Variants in GLI2 observed in about 807,000 individuals in gnomAD.
GLI2 encodes transcription activator GLI2.
Under a neutral mutation model 78.9 loss-of-function variants are expected in GLI2, and 22 were observed. The ratio of observed to expected loss-of-function variants is 0.28; its 90% CI spans 0.20 to 0.40. GLI2 has a LOEUF of 0.40. Ranked by LOEUF, GLI2 falls within the 10% of genes least tolerant of loss-of-function variation. GLI2 has a pLI of 1.00. For synonymous variants in GLI2, 974 were observed against 963.7 expected (o/e 1.01, Z -0.20); for missense variants, 2,097 against 2,213.2 (o/e 0.95, Z 1.05).
chr2:120,970,615 G>A lies in GLI2; in HGVS notation c.1059+9G>A, dbSNP rs768096911. ...TGAGTGACACCAACCAGGTAGGTGG[G>A]TGCAGGGGCCAGGATGGCCACTGGG... On this transcript the variant is annotated intron_variant, in intron 7 of 13. Transcript: ENST00000361492. The A allele has an allele frequency of 2.5e-6, 4 of 1,610,838 alleles. No homozygotes were observed. The South Asian group carries it at 3.3e-5, about 13-fold the overall frequency.
chr2:120,937,012 G>T (rs752099426), intron 3 of GLI2, among the ~76,000 whole-genome samples: 1 of 152,158 alleles, frequency 6.6e-6, no homozygotes, highest in Non-Finnish European at 1.5e-5. Context: ...CAAAAAGTAC[G>T]CTGGACATGT....
At chr2:120,825,257 T>A (rs1419826173) in intron 2 of GLI2, among the ~76,000 whole-genome samples, 1 of 152,246 alleles carries the variant, frequency 6.6e-6, no homozygotes. Flanking sequence ...GTTTTACAAA[T>A]ACATGATAAA....
intron 2 of GLI2, among the ~76,000 whole-genome samples, chr2:120,915,109 G>T (rs1679027725): frequency 6.6e-6 from 1 of 152,226 alleles, no homozygotes; most frequent in African/African-American, 2.4e-5. Flanking sequence ...CCCTCACCAG[G>T]AGACCAGTCT....
intron 1 of GLI2, among the ~76,000 whole-genome samples, chr2:120,796,063 A>G (rs993458068): frequency 5.3e-5 from 8 of 152,148 alleles, no homozygotes; most frequent in African/African-American, 1.9e-4. Context: ...ACAAACAAAC[A>G]AACAAACAAA....
intron 2 of GLI2, among the ~76,000 whole-genome samples, chr2:120,845,924 A>G (rs955283418): frequency 6.6e-6 from 1 of 152,098 alleles, no homozygotes; most frequent in African/African-American, 2.4e-5. Flanking sequence ...ACCCTTTCCA[A>G]TTTACAGATG....
chr2:120,765,845 C>T (rs1336421518), intron 1 of GLI2, among the ~76,000 whole-genome samples: 2 of 152,352 alleles, frequency 1.3e-5, no homozygotes, highest in Admixed American at 6.5e-5. Flanking sequence ...GCCTGATTTC[C>T]TTTTGGCACG....
intron 2 of GLI2, among the ~76,000 whole-genome samples, chr2:120,823,041 G>C (rs1304133429): frequency 6.8e-6 from 1 of 147,806 alleles, no homozygotes; most frequent in East Asian, 2.0e-4. Context: ...AGAGGTGGAT[G>C]AAGGACATCC....
chr2:120,991,122 T>TCGGG lies in GLI2; in HGVS notation c.*447_*448insCGGG. 1 of 162,938 alleles carries TCGGG rather than the reference T, an allele frequency of 6.1e-6. No individual in the cohort carries two copies. 10.1% of individuals were successfully genotyped at this position (162,938 alleles called of 1,614,324 possible). A position where few individuals can be genotyped will look rare whatever the true frequency, so the allele number is the denominator to read the frequency against. On this transcript the variant is annotated 3_prime_UTR_variant, in exon 14 of 14. Transcript: ENST00000361492. ...AAAGATGAGCTTTTTATTCTACTAC[T>TCGGG]TGGAAGGAAAAGGAATTCCTGGTCC...
At chr2:120,946,586 T>C (rs1680720672) in intron 3 of GLI2, among the ~76,000 whole-genome samples, 1 of 152,212 alleles carries the variant, frequency 6.6e-6, no homozygotes, top group Admixed American at 6.5e-5. Flanking sequence ...GCCGGGCCCC[T>C]GCAGTACAGC....
Position 120,970,439 on chromosome 2 carries a change from C to A in GLI2, c.892C>A (p.Gln298Lys), listed in dbSNP as rs1357058931. The A allele has an allele frequency of 1.9e-6, 3 of 1,613,868 alleles. No homozygotes were observed. Among genetic ancestry groups the A allele is most frequent in the Non-Finnish European group, 2.5e-6 (3 of 1,179,918 alleles). ...PHPINPVAYQ[Q>K]ILSQQRGLGS... Reference sequence around the variant, plus strand: ...CCCCATCAACCCCGTGGCCTACCAGCAGATTCTGAGCCAGCAGAGGGGTCT... The same window carrying A: ...CCCCATCAACCCCGTGGCCTACCAGAAGATTCTGAGCCAGCAGAGGGGTCT... Residue 298 changes from glutamine (Q) to lysine (K), a missense_variant, in exon 7 of 14, where the codon CAG becomes AAG. Gln to Lys is a moderately conservative substitution (Grantham distance 53, BLOSUM62 1). Coordinates refer to ENST00000361492, the MANE Select transcript of GLI2 (RefSeq NM_001374353.1).
chr2:120,989,856 A>G lies in GLI2; in HGVS notation c.3891A>G (p.Pro1297=), dbSNP rs895080339. 20 of 1,612,644 alleles carry G rather than the reference A, an allele frequency of 1.2e-5. No homozygotes were observed. Among genetic ancestry groups the G allele is most frequent in the Non-Finnish European group, 1.7e-5 (20 of 1,179,782 alleles). ...ATTCAGCCCTGGCTGGAGTGCCACC[A>G]CCTCACCCAGTCCAGAGCTACCCAC... The part of the protein sequence containing the change: ...VPDSALAGVP[P]PHPVQSYPQQ... The change falls in exon 14 of 14, where the codon CCA becomes CCG. Residue 1297 remains proline (P), a synonymous_variant. Transcript: ENST00000361492.
At chr2:120,822,856 T>C (rs7561607) in intron 2 of GLI2, among the ~76,000 whole-genome samples, 66,794 of 152,060 alleles carry the variant, frequency 0.44, 15,098 homozygotes, top group Middle Eastern at 0.56. Flanking sequence ...AAATTTCCCA[T>C]CTGATTTTAT....
Position 120,992,007 on chromosome 2 carries a change from TACACAC to T in GLI2, c.*1371_*1376del, listed in dbSNP as rs59277032. ...GTGAATTGGTGCATCTTCCCCACCA[TACACAC>T]ACACACACACACACACACACACACA... is the stretch of plus-strand genomic sequence containing the variant. On this transcript the variant is annotated 3_prime_UTR_variant, in exon 14 of 14. Transcript: ENST00000361492. The T allele has an allele frequency of 0.044, 5,744 of 130,116 alleles. 347 individuals carry two copies. Among genetic ancestry groups the T allele is most frequent in the African/African-American group, 0.14 (5,067 of 34,986 alleles). The allele number at this position is 130,116 out of a possible 1,614,324, so 8.1% of individuals were successfully genotyped here. A position where few individuals can be genotyped will look rare whatever the true frequency, so the allele number is the denominator to read the frequency against.
intron 2 of GLI2, among the ~76,000 whole-genome samples, chr2:120,874,279 G>T (rs1034669042): frequency 6.6e-6 from 1 of 152,206 alleles, no homozygotes; most frequent in Non-Finnish European, 1.5e-5. Flanking sequence ...TCAAAAATCG[G>T]CTGGGTGTTA....
chr2:120,937,965 A>T (rs1446471400), intron 3 of GLI2, among the ~76,000 whole-genome samples: 1 of 152,152 alleles, frequency 6.6e-6, no homozygotes, highest in African/African-American at 2.4e-5. Flanking sequence ...CCACTAACGA[A>T]GGCCGCTCCC....
At chr2:120,832,810 C>T (rs1686428098) in intron 2 of GLI2, among the ~76,000 whole-genome samples, 1 of 152,040 alleles carries the variant, frequency 6.6e-6, no homozygotes, top group African/African-American at 2.4e-5. Context: ...GACGGGTGGG[C>T]TGTTAGGTGG....
At chr2:120,885,043 CT>C (rs1442633746) in intron 2 of GLI2, among the ~76,000 whole-genome samples, 1 of 152,192 alleles carries the variant, frequency 6.6e-6, no homozygotes, top group African/African-American at 2.4e-5. Context: ...TGTTCAGTGT[CT>C]GCTGAATCCT....
chr2:120,767,238 C>T (rs1179215142), intron 1 of GLI2, among the ~76,000 whole-genome samples: 2 of 152,050 alleles, frequency 1.3e-5, no homozygotes, highest in Admixed American at 6.5e-5. Context: ...AGCCTGGGGC[C>T]CCTGTGGAGA....
chr2:120,830,867 T>A (rs1686325804), intron 2 of GLI2, among the ~76,000 whole-genome samples: 1 of 152,074 alleles, frequency 6.6e-6, no homozygotes, highest in Non-Finnish European at 1.5e-5. Flanking sequence ...TGTCTGTCCC[T>A]CTCTTCTCTG....
Sources: allele counts gnomAD v4.1 joint callset (sites outside exome capture counted in the v4.1 genomes callset), GRCh38; gene constraint gnomAD v4.1.1; transcripts MANE v1.5; gene names NCBI Gene and HGNC (gene_info 2026-07-23, HGNC 2026-07-21).